Variants in UNC13C observed in about 807,000 individuals in gnomAD.
The protein encoded by UNC13C is unc-13 homolog C, also known as protein unc-13 homolog C.
In UNC13C, 174 loss-of-function variants were observed where a neutral mutation model predicts 245.4. That is an observed-to-expected ratio of 0.71 (90% CI 0.63 to 0.80). The LOEUF (loss-of-function observed/expected upper bound fraction) is 0.80, where lower values mean the gene tolerates loss of function less well. UNC13C is among the 30% of genes least tolerant of loss of function. The probability of loss-of-function intolerance (pLI) is 0.00; values close to 1 mark genes in which losing one functional copy is unlikely to be tolerated. For synonymous variants in UNC13C, 992 were observed against 895.1 expected (o/e 1.11, Z -1.93); for missense variants, 2,829 against 2,602.9 (o/e 1.09, Z -1.89).
intron 4 of UNC13C, among the ~76,000 whole-genome samples, chr15:54,218,881 G>T (rs527589656): frequency 6.6e-6 from 1 of 151,966 alleles, no homozygotes; most frequent in South Asian, 2.1e-4. Context: ...AAATAGAAAT[G>T]CATCTTAATG....
At chr15:54,350,169 T>A (rs566628707) in intron 17 of UNC13C, among the ~76,000 whole-genome samples, 22 of 152,250 alleles carry the variant, frequency 1.4e-4, no homozygotes, top group Non-Finnish European at 3.2e-4. Context: ...TTTTTGTATT[T>A]TTAGTACTGA....
the UNC13C span, among the ~76,000 whole-genome samples, chr15:53,872,496 A>T: frequency 6.6e-6 from 1 of 152,256 alleles, no homozygotes; most frequent in South Asian, 2.1e-4. Context: ...AAATATTTTC[A>T]TTCCGCATGT....
chr15:54,051,529 A>G (rs952120669), intron 2 of UNC13C, among the ~76,000 whole-genome samples: 27 of 152,064 alleles, frequency 1.8e-4, no homozygotes, highest in Non-Finnish European at 2.9e-4. Context: ...ACTTTAGTAC[A>G]TATTTCAGTA....
At chr15:54,351,312 T>C (rs905983001) in intron 17 of UNC13C, among the ~76,000 whole-genome samples, 1 of 152,188 alleles carries the variant, frequency 6.6e-6, no homozygotes, top group Non-Finnish European at 1.5e-5. Flanking sequence ...TAAGCAACTA[T>C]TCCATTAAAT....
chr15:53,980,149 TG>T (rs1266194068), intron 1 of UNC13C, among the ~76,000 whole-genome samples: 1 of 152,174 alleles, frequency 6.6e-6, no homozygotes. Context: ...TTATGCATAC[TG>T]TAAAGTAAAT....
At chr15:53,986,181 G>C (rs565005928) in intron 1 of UNC13C, among the ~76,000 whole-genome samples, 1 of 152,148 alleles carries the variant, frequency 6.6e-6, no homozygotes, top group Non-Finnish European at 1.5e-5. Flanking sequence ...TTTTATGTTG[G>C]AAGAAAATTT....
intron 2 of UNC13C, among the ~76,000 whole-genome samples, chr15:54,061,555 C>G (rs547691399): frequency 6.6e-6 from 1 of 152,112 alleles, no homozygotes; most frequent in Non-Finnish European, 1.5e-5. Context: ...TGTCCAAATC[C>G]AAACCTTGGA....
intron 2 of UNC13C, among the ~76,000 whole-genome samples, chr15:54,090,026 C>T (rs1487080104): frequency 6.6e-6 from 1 of 152,164 alleles, no homozygotes; most frequent in African/African-American, 2.4e-5. Context: ...GCCTGGGGCT[C>T]ACATGTGTTT....
intron 17 of UNC13C, among the ~76,000 whole-genome samples, chr15:54,381,347 T>C (rs572946420): frequency 3.9e-5 from 6 of 152,286 alleles, no homozygotes; most frequent in Admixed American, 3.9e-4. Flanking sequence ...TTTTGGTTAC[T>C]ATGGCTTTGT....
chr15:54,293,948 AT>A lies in UNC13C; in HGVS notation c.3873del (p.Asp1291GlufsTer24), dbSNP rs1567165987. On this transcript the variant is annotated frameshift_variant, in exon 11 of 33. Transcript: ENST00000260323. LOFTEE classifies it high-confidence loss of function. ...AAAGTCAGAGTATGGGATGAAGATG[AT>A]GATATTAAATCCAGAGTCAAGCAAC... ...RIKVRVWDED[D>X]DIKSRVKQHF... is the part of the protein sequence containing the mutation. 1 of 1,590,160 alleles carries A rather than the reference AT, an allele frequency of 6.3e-7. No homozygotes were observed. Among genetic ancestry groups the A allele is most frequent in the Non-Finnish European group, 8.5e-7 (1 of 1,169,898 alleles).
chr15:54,103,890 A>G (rs1429474658), intron 2 of UNC13C, among the ~76,000 whole-genome samples: 2 of 152,140 alleles, frequency 1.3e-5, no homozygotes, highest in African/African-American at 4.8e-5. Flanking sequence ...AACTACAGGC[A>G]TGTGCCACCA....
intron 13 of UNC13C, 146 bp from the exon 14 acceptor site, chr15:54,321,793 T>G (rs2038167070): frequency 3.5e-6 from 3 of 850,616 alleles, no homozygotes; most frequent in African/African-American, 1.8e-5. Flanking sequence ...AGGCCAAAAT[T>G]GTTTTTCTTT....
chr15:54,314,931 C>T (rs540844895), intron 13 of UNC13C, among the ~76,000 whole-genome samples: 2 of 150,662 alleles, frequency 1.3e-5, no homozygotes, highest in East Asian at 3.9e-4. Context: ...TTTGGATTAT[C>T]TCCAGGTACA....
chr15:54,064,161 C>G (rs1465023903), intron 2 of UNC13C, among the ~76,000 whole-genome samples: 1 of 151,820 alleles, frequency 6.6e-6, no homozygotes, highest in African/African-American at 2.4e-5. Flanking sequence ...AGATACTTAA[C>G]CTATAAAGGT....
chr15:54,285,113 T>G (rs370761291), intron 10 of UNC13C, among the ~76,000 whole-genome samples: 14 of 152,214 alleles, frequency 9.2e-5, no homozygotes, highest in East Asian at 5.8e-4. Flanking sequence ...CCTCTTTTCC[T>G]TTTCCAAAAG....
At chr15:54,411,576 T>C (rs1414452885) in intron 18 of UNC13C, among the ~76,000 whole-genome samples, 1 of 152,108 alleles carries the variant, frequency 6.6e-6, no homozygotes. Flanking sequence ...TCAAGTATTT[T>C]AGCATCTCTT....
At position 54,143,681 on chromosome 15, in the gene UNC13C, G is replaced by A. The variant is rs1273301435; in HGVS notation, c.3068G>A (p.Gly1023Asp). ...ASKFSALQVC[G>D]GAGGGLYGID... ...AAATTTTCTGCACTCCAGGTGTGTG[G>A]TGGGTAAGTACCTTCATACCTTTCT... Residue 1023 changes from glycine (G) to aspartate (D), a missense_variant, in exon 4 of 33, where the codon GGT becomes GAT. Coordinates refer to ENST00000260323, the MANE Select transcript of UNC13C (RefSeq NM_001080534.3). 4.3e-6 allele frequency: 7 copies of A among 1,612,608 alleles called. No homozygotes were observed. Among genetic ancestry groups the A allele is most frequent in the Non-Finnish European group, 5.1e-6 (6 of 1,178,816 alleles).
chr15:54,273,899 T>G (rs1596124717), intron 10 of UNC13C, among the ~76,000 whole-genome samples: 1 of 152,222 alleles, frequency 6.6e-6, no homozygotes, highest in East Asian at 1.9e-4. Context: ...AGATCCCTGT[T>G]GACTCAGATC....
At chr15:53,873,623 CA>C in the UNC13C span, among the ~76,000 whole-genome samples, 1 of 151,654 alleles carries the variant, frequency 6.6e-6, no homozygotes, top group East Asian at 1.9e-4. Flanking sequence ...GAGAAGATAT[CA>C]GTTACCCTGA....
Sources: gnomAD v4.1 joint callset for allele counts (sites outside exome capture counted in the v4.1 genomes callset) on GRCh38, gnomAD v4.1.1 for gene constraint, MANE v1.5 for transcripts, NCBI Gene and HGNC (gene_info 2026-07-23, HGNC 2026-07-21) for gene names.